NF2: variants seen among roughly 807,000 people sequenced by gnomAD.
The protein encoded by NF2 is NF2, moesin-ezrin-radixin like (MERLIN) tumor suppressor, also known as merlin.
A neutral mutation model predicts 83.7 loss-of-function variants in NF2; 8 were observed. The observed-to-expected ratio is 0.10, with a 90% CI of 0.06 to 0.17. The LOEUF (loss-of-function observed/expected upper bound fraction) is 0.17, where lower values mean the gene tolerates loss of function less well. Among genes scored for constraint, NF2 ranks in the 10% least tolerant of loss-of-function variants. The pLI is 1.00. For missense variants in NF2, 533 were observed against 744.4 expected (o/e 0.72, Z 3.31); for synonymous variants, 266 against 269.6 (o/e 0.99, Z 0.13).
rs183046572 is a variant in NF2 at position 29,660,211 on chromosome 22, G to A, written c.676-994G>A. 1.3e-3 allele frequency among the ~76,000 whole-genome samples: 200 copies of A among 152,296 alleles called. 2 individuals are homozygous for A. Among genetic ancestry groups the A allele is most frequent in the East Asian group, 8.9e-3 (46 of 5,172 alleles). ...CCGTCGCAGGTTCAGTGCTGTGGGA[G>A]CCCAGGGCACCCGCCGCGGGCTGCT... On this transcript the variant is annotated intron_variant, in intron 7 of 15. Transcript: ENST00000338641.
chr22:29,630,529 C>T (rs893268581), intron 1 of NF2, among the ~76,000 whole-genome samples: 6 of 152,214 alleles, frequency 3.9e-5, no homozygotes, highest in South Asian at 4.1e-4. Context: ...GAGAAGCATC[C>T]GACTTCCAGA....
Position 29,697,860 on chromosome 22 carries a change from T to A in NF2, c.*3058T>A, listed in dbSNP as rs890137119. The stretch of plus-strand genomic sequence containing the variant: ...GGATTACAGGCATGAGCCACCGCGC[T>A]TGGCCAGACTGCGTCCTTTTTAAGC... On this transcript the variant is annotated 3_prime_UTR_variant, in exon 16 of 16. Coordinates refer to ENST00000338641, the MANE Select transcript of NF2 (RefSeq NM_000268.4). The A allele has an allele frequency of 5.1e-6, 1 of 195,844 alleles. No individual in the cohort carries two copies. Among genetic ancestry groups the A allele is most frequent in the Admixed American group, 6.1e-5 (1 of 16,406 alleles). 12.1% of individuals were successfully genotyped at this position (195,844 alleles called of 1,614,324 possible).
In NF2 at chr22:29,678,464, C is replaced by T. The variant is rs1285304976; in HGVS notation, c.1574+141C>T. The T allele has an allele frequency of 3.7e-5, 35 of 934,186 alleles. 1 individual carries two copies. The East Asian group carries it at 8.6e-4, about 23-fold the overall frequency. 57.9% of individuals were successfully genotyped at this position (934,186 alleles called of 1,614,324 possible). A position where few individuals can be genotyped will look rare whatever the true frequency, so the allele number is the denominator to read the frequency against. ...CAAAGGTTTGCTCTGCTCTTACACCCTGGAGGAAGAATTTCCTTAATCAGA... is the reference window on the plus strand; with the variant it reads ...CAAAGGTTTGCTCTGCTCTTACACCTTGGAGGAAGAATTTCCTTAATCAGA... On this transcript the variant is annotated intron_variant, in intron 14 of 15. Coordinates refer to ENST00000338641, the MANE Select transcript of NF2 (RefSeq NM_000268.4).
chr22:29,611,911 AC>A (rs2064961310), intron 1 of NF2, among the ~76,000 whole-genome samples: 2 of 152,374 alleles, frequency 1.3e-5, no homozygotes, highest in East Asian at 3.9e-4. Flanking sequence ...AATACTTATA[AC>A]AAAAGAGGTA....
Position 29,695,391 on chromosome 22 carries a change from C to G in NF2, c.*589C>G, listed in dbSNP as rs770711462. On this transcript the variant is annotated 3_prime_UTR_variant, in exon 16 of 16. Coordinates refer to ENST00000338641, the MANE Select transcript of NF2 (RefSeq NM_000268.4). This position sits in a 1 kb window ranked among gnomAD's most constrained non-coding sequence, Gnocchi z 5.4. ...CAGGCACCCCGAGGCGGCGCTCTGG[C>G]TGGCAGCTGGTGGGGAATAGGCAGG... is the stretch of plus-strand genomic sequence containing the variant. 4 of 261,044 alleles carry G rather than the reference C, an allele frequency of 1.5e-5. No individual in the cohort carries two copies. The highest frequency in any genetic ancestry group is 3.0e-5 in the Non-Finnish European group (4 of 133,328). The allele number at this position is 261,044 out of a possible 1,614,324, so 16.2% of individuals were successfully genotyped here.
chr22:29,634,093 G>A (rs143976757), intron 1 of NF2, among the ~76,000 whole-genome samples: 72 of 152,316 alleles, frequency 4.7e-4, no homozygotes, highest in African/African-American at 1.7e-3. Flanking sequence ...GCACTCTAGG[G>A]TCTGCGGTTT....
rs1443522831 is a variant in NF2, at chr22:29,695,282, G to A, written c.*480G>A. 5 of 298,360 alleles carry A rather than the reference G, an allele frequency of 1.7e-5. No individual in the cohort carries two copies. In the South Asian group the frequency reaches 2.1e-4, roughly 13 times the overall value. The allele number at this position is 298,360 out of a possible 1,614,324, so 18.5% of individuals were successfully genotyped here. On this transcript the variant is annotated 3_prime_UTR_variant, in exon 16 of 16. Transcript: ENST00000338641. The surrounding 1 kb of genome is among the most constrained non-coding windows in gnomAD (Gnocchi z 5.4). ...ATGCAGCGAAGCAGCCCAGCCCGGC[G>A]GATCCCAGGCCAGCACGCCTGCCGG...
chr22:29,629,956 G>A (rs150879811), intron 1 of NF2, among the ~76,000 whole-genome samples: 364 of 152,302 alleles, frequency 2.4e-3, no homozygotes, highest in African/African-American at 8.5e-3. Context: ...CTTTCTTCAA[G>A]AAAGTTGTCC....
chr22:29,656,244 C>T (rs2066303167), intron 6 of NF2, among the ~76,000 whole-genome samples: 1 of 151,742 alleles, frequency 6.6e-6, no homozygotes, highest in Non-Finnish European at 1.5e-5. Context: ...TGTGCCTAGC[C>T]TGAATTTTAA....
intron 1 of NF2, among the ~76,000 whole-genome samples, chr22:29,628,762 C>A (rs1744412338): frequency 6.6e-6 from 1 of 151,324 alleles, no homozygotes; most frequent in African/African-American, 2.4e-5. Flanking sequence ...TCCCAAGTAG[C>A]TGGGACTACA....
At chr22:29,687,144 C>A (rs994526050) in intron 15 of NF2, among the ~76,000 whole-genome samples, 1 of 152,192 alleles carries the variant, frequency 6.6e-6, no homozygotes, top group Non-Finnish European at 1.5e-5. Flanking sequence ...TGAGTGCCAG[C>A]AAACAAAGTC....
intron 1 of NF2, 115 bp downstream of exon 1, chr22:29,604,227 C>T: frequency 1.2e-6 from 1 of 836,354 alleles, no homozygotes; most frequent in Non-Finnish European, 2.0e-6. Flanking sequence ...GAAGGGCCAA[C>T]TAGGCCCAAA....
intron 4 of NF2, among the ~76,000 whole-genome samples, chr22:29,649,139 G>A (rs1270981933): frequency 8.0e-5 from 12 of 149,870 alleles, no homozygotes; most frequent in African/African-American, 2.7e-4. Context: ...TGTAAGTAAT[G>A]TGAAGCAAAA....
intron 5 of NF2, 35 bp from the exon 6 acceptor site, chr22:29,655,559 G>C (rs773416065): frequency 1.3e-6 from 2 of 1,482,634 alleles, no homozygotes; most frequent in African/African-American, 1.4e-5. Flanking sequence ...TTTACTTCAT[G>C]TGTAGGTTTT....
intron 7 of NF2, among the ~76,000 whole-genome samples, chr22:29,659,178 A>T (rs2066404571): frequency 6.6e-6 from 1 of 152,208 alleles, no homozygotes; most frequent in Non-Finnish European, 1.5e-5. Flanking sequence ...TCTTTTCTAA[A>T]GTTCTGTCAG....
chr22:29,651,144 G>T (rs2066136724), intron 4 of NF2, among the ~76,000 whole-genome samples: 1 of 152,134 alleles, frequency 6.6e-6, no homozygotes, highest in Non-Finnish European at 1.5e-5. Flanking sequence ...TAGGGAGGGG[G>T]TCTGTCTTTT....
chr22:29,654,502 C>G (rs917731515), intron 4 of NF2, among the ~76,000 whole-genome samples, 155 bp from the exon 5 acceptor site: 9 of 152,186 alleles, frequency 5.9e-5, no homozygotes, highest in African/African-American at 2.2e-4. Flanking sequence ...TATTTTCATT[C>G]AAGGATAACA....
rs556026377 is a variant in NF2 at position 29,665,248 on chromosome 22, G to GT, written c.885+194dup. On this transcript the variant is annotated intron_variant, in intron 9 of 15. Transcript: ENST00000338641. Reference sequence around the variant, plus strand: ...ATATCATGAAGAAGTTTTTTTTTTTGTTTTTTTTTTGAGACAGAGTCTCGC... The same window carrying GT: ...ATATCATGAAGAAGTTTTTTTTTTTGTTTTTTTTTTTGAGACAGAGTCTCGC... Among the ~76,000 whole-genome samples, 47 of 135,914 alleles carry GT rather than the reference G, an allele frequency of 3.5e-4. No individual in the cohort carries two copies. The South Asian group carries it at 4.9e-3, about 14-fold the overall frequency. 89.2% of individuals were successfully genotyped at this position (135,914 alleles called of 152,430 possible).
At chr22:29,605,994 G>T (rs2064784364) in intron 1 of NF2, among the ~76,000 whole-genome samples, 1 of 151,924 alleles carries the variant, frequency 6.6e-6, no homozygotes, top group Admixed American at 6.6e-5. Flanking sequence ...TGCTCTTGTT[G>T]CTCAAACTGG....
Sources: gnomAD v4.1 joint callset for allele counts (sites outside exome capture counted in the v4.1 genomes callset) on GRCh38, gnomAD v4.1.1 for gene constraint, Gnocchi (gnomAD v3.1) non-coding constraint, MANE v1.5 for transcripts, NCBI Gene and HGNC (gene_info 2026-07-23, HGNC 2026-07-21) for gene names.